Variants in DNM1 observed in about 807,000 individuals in gnomAD.
The protein encoded by DNM1 is dynamin 1.
DNM1 carries 29 observed loss-of-function variants against 104.6 expected under a neutral mutation model. The ratio of observed to expected loss-of-function variants is 0.28; its 90% CI spans 0.21 to 0.38. The LOEUF is 0.38. Among genes scored for constraint, DNM1 ranks in the 10% least tolerant of loss-of-function variants. The probability of loss-of-function intolerance (pLI) is 1.00; values close to 1 mark genes in which losing one functional copy is unlikely to be tolerated. For synonymous variants in DNM1, 445 were observed against 475.8 expected, an observed-to-expected ratio of 0.94 and a Z score of 0.84; for missense variants, 640 against 1,189.4, an observed-to-expected ratio of 0.54 and a Z score of 6.79.
chr9:128,250,733 C>A lies in DNM1; in HGVS notation c.2327C>A (p.Thr776Lys), dbSNP rs1490577876. The change falls in exon 21 of 22, where the codon ACG (threonine) becomes AAG (lysine). Residue 776 changes from threonine to lysine, a missense_variant. This residue lies in a region of DNM1 where 129 missense variants were observed against 224.6 expected (regional missense o/e 0.57). Transcript: ENST00000372923. The part of the protein sequence containing the change: ...QSVPAGRRSP[T>K]SSPTPQRRAP... ...CTCCCTGTCGCCCTCAGGTCGCCCA[C>A]GTCCAGCCCCACGCCGCAGCGCCGA... The A allele has an allele frequency of 6.9e-7, 1 of 1,458,932 alleles. No individual in the cohort carries two copies. Among genetic ancestry groups the A allele is most frequent in the Admixed American group, 2.5e-5 (1 of 40,416 alleles). 90.4% of individuals were successfully genotyped at this position (1,458,932 alleles called of 1,614,324 possible).
chr9:128,222,993 C>G lies in DNM1; in HGVS notation c.1196+133C>G. Reference sequence around the variant, plus strand: ...TGTTCCCCAGTCCTCTCGACCCCAACTTTCTGGCTCCCTGCATGACAGGCT... The same window carrying G: ...TGTTCCCCAGTCCTCTCGACCCCAAGTTTCTGGCTCCCTGCATGACAGGCT... On this transcript the variant is annotated intron_variant, in intron 9 of 21. Transcript: ENST00000372923. This position sits in a 1 kb window ranked among gnomAD's most constrained non-coding sequence, Gnocchi z 7.8. 2.3e-6 allele frequency: 2 copies of G among 870,906 alleles called. No homozygotes were observed. The highest frequency in any genetic ancestry group is 1.6e-5 in the South Asian group (1 of 61,902). 53.9% of individuals were successfully genotyped at this position (870,906 alleles called of 1,614,324 possible).
Position 128,240,074 on chromosome 9 carries a change from G to A in DNM1, c.1557+78G>A. ...CATCGGCAGTGGGGATCTGCAACGG[G>A]TAGGAGGGCACCCTTTGGCTGAAGC... On this transcript the variant is annotated intron_variant, in intron 14 of 21. Transcript: ENST00000372923. The surrounding 1 kb of genome is among the most constrained non-coding windows in gnomAD (Gnocchi z 5.1). 6.5e-7 allele frequency: 1 copy of A among 1,540,004 alleles called. No homozygotes were observed. The highest frequency in any genetic ancestry group is 9.0e-7 in the Non-Finnish European group (1 of 1,113,654).
rs140950284 is a variant in DNM1, at chr9:128,220,742, C to CGT, written c.849+426_849+427dup. ...CAGAACTGAAGTGCGCGCGCGCGCG[C>CGT]GTGTGTGTGTGTGTGTGTGTGTGTG... On this transcript the variant is annotated intron_variant, in intron 6 of 21. Transcript: ENST00000372923. This position sits in a 1 kb window ranked among gnomAD's most constrained non-coding sequence, Gnocchi z 5.2. Among the ~76,000 whole-genome samples the CGT allele has an allele frequency of 4.3e-3, 579 of 136,232 alleles. 3 individuals carry two copies. Among genetic ancestry groups the CGT allele is most frequent in the African/African-American group, 4.8e-3 (183 of 37,800 alleles). The allele number at this position is 136,232 out of a possible 152,430, so 89.4% of individuals were successfully genotyped here.
chr9:128,249,748 C>A (rs1485984073), intron 19 of DNM1, among the ~76,000 whole-genome samples: 1 of 151,822 alleles, frequency 6.6e-6, no homozygotes, highest in Non-Finnish European at 1.5e-5. Flanking sequence ...TAACTTTGAG[C>A]CCAGGAGGTT....
In DNM1 at chr9:128,248,567, G is replaced by A; in HGVS notation, c.1906-16G>A. 1 of 1,610,412 alleles carries A rather than the reference G, an allele frequency of 6.2e-7. No homozygotes were observed. The highest frequency in any genetic ancestry group is 1.1e-5 in the South Asian group (1 of 90,968). On this transcript the variant is annotated splice_polypyrimidine_tract_variant and intron_variant, in intron 18 of 21. Coordinates refer to ENST00000372923, the MANE Select transcript of DNM1 (RefSeq NM_004408.4). The surrounding 1 kb of genome is among the most constrained non-coding windows in gnomAD (Gnocchi z 5.6). ...CATGGCCTGGCCACCTGATGCCCTT[G>A]TGTTCTCCATGGCAGGCCAGCGAGA...
At chr9:128,234,523 G>A (rs1466904307) in intron 11 of DNM1, among the ~76,000 whole-genome samples, 2 of 151,974 alleles carry the variant, frequency 1.3e-5, no homozygotes, top group Non-Finnish European at 2.9e-5. Flanking sequence ...GGTGGCGTGC[G>A]CCACCATGCC....
Position 128,234,021 on chromosome 9 carries a change from C to A in DNM1, c.1336C>A (p.Leu446Ile). 2 of 1,563,150 alleles carry A rather than the reference C, an allele frequency of 1.3e-6. No individual in the cohort carries two copies. Among genetic ancestry groups the A allele is most frequent in the African/African-American group, 1.4e-5 (1 of 73,518 alleles). Residue 446 changes from leucine (L) to isoleucine (I), a missense_variant and splice_region_variant, in exon 11 of 22, where the codon CTC becomes ATC. Physicochemically the swap from Leu to Ile is conservative, Grantham distance 5. Transcript: ENST00000372923. ...TTTCTGCCCTCCTGCCCTTCCCCAGCTCCAGCAGTACCCGCGGCTACGGGA... is the reference window on the plus strand; with the variant it reads ...TTTCTGCCCTCCTGCCCTTCCCCAGATCCAGCAGTACCCGCGGCTACGGGA... ...ISTVRQCTKK[L>I]QQYPRLREEM...
intron 1 of DNM1, among the ~76,000 whole-genome samples, chr9:128,211,102 G>A (rs1834264298): frequency 6.6e-6 from 1 of 152,150 alleles, no homozygotes; most frequent in Non-Finnish European, 1.5e-5. Flanking sequence ...CATCTGACTT[G>A]GTCCCCATGC....
At chr9:128,237,975 A>G (rs1836116504) in intron 11 of DNM1, among the ~76,000 whole-genome samples, 1 of 151,704 alleles carries the variant, frequency 6.6e-6, no homozygotes, top group Non-Finnish European at 1.5e-5. Context: ...GGGTTTCTCC[A>G]TGTTTCCCAG....
chr9:128,215,055 C>CGG (rs1230556003), intron 1 of DNM1, among the ~76,000 whole-genome samples: 2 of 152,240 alleles, frequency 1.3e-5, no homozygotes, highest in Non-Finnish European at 2.9e-5. Flanking sequence ...CTACTACGTG[C>CGG]GGGGCCTGTG....
rs968454028 is a variant in DNM1, at chr9:128,240,072, G to A, written c.1557+76G>A. 4.0e-5 allele frequency: 61 copies of A among 1,540,352 alleles called. No homozygotes were observed. The highest frequency in any genetic ancestry group is 8.2e-5 in the African/African-American group (6 of 73,332). ...TCCATCGGCAGTGGGGATCTGCAACGGGTAGGAGGGCACCCTTTGGCTGAA... is the reference window on the plus strand; with the variant it reads ...TCCATCGGCAGTGGGGATCTGCAACAGGTAGGAGGGCACCCTTTGGCTGAA... On this transcript the variant is annotated intron_variant, in intron 14 of 21. Coordinates refer to ENST00000372923, the MANE Select transcript of DNM1 (RefSeq NM_004408.4). This position sits in a 1 kb window ranked among gnomAD's most constrained non-coding sequence, Gnocchi z 5.1.
chr9:128,225,689 C>T lies in DNM1; in HGVS notation c.1335+1300C>T, dbSNP rs116480550. ...AGAGAGCAGGCAGCCTCAGTGAGGC[C>T]GAGGAGCAGGGGAGCATCCCTGGGA... On this transcript the variant is annotated intron_variant, in intron 10 of 21. Coordinates refer to ENST00000372923, the MANE Select transcript of DNM1 (RefSeq NM_004408.4). 6.3e-3 allele frequency among the ~76,000 whole-genome samples: 951 copies of T among 152,080 alleles called. 12 individuals are homozygous for T. The highest frequency in any genetic ancestry group is 0.031 in the Middle Eastern group (9 of 294).
Position 128,254,556 on chromosome 9 carries a change from G to GCGGC in DNM1, c.2535-97_2535-94dup. ...CCTCCCCGGCCCTCCCACCACTGCTGCGGCGCGGCCGGCCCCGGCCGTGTG... is the reference window on the plus strand; with the variant it reads ...CCTCCCCGGCCCTCCCACCACTGCTGCGGCCGGCGCGGCCGGCCCCGGCCGTGTG... On this transcript the variant is annotated intron_variant, in intron 21 of 21. Transcript: ENST00000372923. This position sits in a 1 kb window ranked among gnomAD's most constrained non-coding sequence, Gnocchi z 6.1. The GCGGC allele has an allele frequency of 6.4e-7, 1 of 1,574,264 alleles. No individual in the cohort carries two copies.
chr9:128,248,620 T>C lies in DNM1; in HGVS notation c.1943T>C (p.Met648Thr), dbSNP rs1323426610. 2 of 1,613,900 alleles carry C rather than the reference T, an allele frequency of 1.2e-6. No individual in the cohort carries two copies. The highest frequency in any genetic ancestry group is 1.3e-5 in the African/African-American group (1 of 74,912). The change falls in exon 19 of 22, where the codon ATG becomes ACG. Residue 648 changes from methionine to threonine, a missense_variant. Met to Thr is a moderately conservative substitution (Grantham distance 81). Coordinates refer to ENST00000372923, the MANE Select transcript of DNM1 (RefSeq NM_004408.4). This position sits in a 1 kb window ranked among gnomAD's most constrained non-coding sequence, Gnocchi z 5.6. ...ETEENGSDSFMHSMDPQLERQ... is the reference protein window; with the variant it reads ...ETEENGSDSFTHSMDPQLERQ... ...GAGGAGAATGGCTCCGACAGCTTCA[T>C]GCATTCCATGGACCCACAGCTGGAA...
Position 128,254,433 on chromosome 9 carries a change from C to T in DNM1, c.2535-221C>T, listed in dbSNP as rs1356078543. The T allele has an allele frequency of 4.8e-6, 7 of 1,454,102 alleles. No individual in the cohort carries two copies. Among genetic ancestry groups the T allele is most frequent in the Middle Eastern group, 2.5e-4 (1 of 4,060 alleles). 90.1% of individuals were successfully genotyped at this position (1,454,102 alleles called of 1,614,324 possible). A position where few individuals can be genotyped will look rare whatever the true frequency, so the allele number is the denominator to read the frequency against. On this transcript the variant is annotated intron_variant, in intron 21 of 21. Transcript: ENST00000372923. The surrounding 1 kb of genome is among the most constrained non-coding windows in gnomAD (Gnocchi z 6.1). ...GGGGAGGGCCGCCACAGCCCCCAGG[C>T]GCTATCTGTGAAGCTACGGCTCCTC...
At chr9:128,221,737 C>CA (rs980217827) in intron 6 of DNM1, among the ~76,000 whole-genome samples, 1 of 151,850 alleles carries the variant, frequency 6.6e-6, no homozygotes, top group African/African-American at 2.4e-5. Context: ...ACTAAAAATA[C>CA]AAAAAATTAG....
At chr9:128,236,290 A>G (rs1412781349) in intron 11 of DNM1, among the ~76,000 whole-genome samples, 1 of 152,138 alleles carries the variant, frequency 6.6e-6, no homozygotes, top group Non-Finnish European at 1.5e-5. Context: ...CCTGTCTGCC[A>G]TGCCCCTACA....
rs1327227575 is a variant in DNM1, at chr9:128,250,101, T to G, written c.2077-14T>G. ...ATCAGGTCCCCACCTCCTTCCCTCT[T>G]TGCCTACTCGCAGACCAAGGAGTTC... is the stretch of plus-strand genomic sequence containing the variant. On this transcript the variant is annotated splice_polypyrimidine_tract_variant and intron_variant, in intron 19 of 21. Transcript: ENST00000372923. 1 of 1,613,910 alleles carries G rather than the reference T, an allele frequency of 6.2e-7. No individual in the cohort carries two copies. The highest frequency in any genetic ancestry group is 8.5e-7 in the Non-Finnish European group (1 of 1,179,906).
chr9:128,232,467 C>T (rs538415184), intron 10 of DNM1: 9 of 163,450 alleles, frequency 5.5e-5, no homozygotes, highest in Middle Eastern at 3.0e-3. Context: ...GGGCATCCCT[C>T]GTGTTGGCAT....
Sources: gnomAD v4.1 joint callset for allele counts (sites outside exome capture counted in the v4.1 genomes callset) on GRCh38, gnomAD v4.1.1 for gene constraint, gnomAD v4.1.1 regional missense constraint, Gnocchi (gnomAD v3.1) non-coding constraint, MANE v1.5 for transcripts, NCBI Gene and HGNC (gene_info 2026-07-23, HGNC 2026-07-21) for gene names.